SRP72: variants seen among roughly 807,000 people sequenced by gnomAD.
The protein encoded by SRP72 is signal recognition particle 72.
SRP72 carries 49 observed loss-of-function variants against 96.3 expected under a neutral mutation model. The observed-to-expected ratio is 0.51, with a 90% CI of 0.40 to 0.65. The LOEUF is 0.65. SRP72 is among the 30% of genes least tolerant of loss of function. The pLI is 0.00. For synonymous variants in SRP72, 267 were observed against 275.2 expected (o/e 0.97, Z 0.30); for missense variants, 736 against 793.3 (o/e 0.93, Z 0.87).
At chr4:56,495,467 T>C (rs1721045741) in intron 17 of SRP72, 73 bp downstream of exon 17, 3 of 1,049,544 alleles carry the variant, frequency 2.9e-6, no homozygotes, top group South Asian at 3.2e-5. Context: ...ATAGAAATAT[T>C]TGGACATAAA....
At chr4:56,470,466 G>T (rs1364043606) in intron 2 of SRP72, among the ~76,000 whole-genome samples, 1 of 151,968 alleles carries the variant, frequency 6.6e-6, no homozygotes, top group Non-Finnish European at 1.5e-5. Flanking sequence ...CTTGAACCCA[G>T]GAGGCAGAGG....
At chr4:56,489,933 A>C (rs1403642026) in intron 13 of SRP72, among the ~76,000 whole-genome samples, 1 of 152,228 alleles carries the variant, frequency 6.6e-6, no homozygotes, top group East Asian at 1.9e-4. Context: ...ACTTAAAATT[A>C]TACATACGCT....
chr4:56,501,626 T>G (rs963613439), intron 18 of SRP72, 58 bp from the exon 19 acceptor site: 6 of 1,503,316 alleles, frequency 4.0e-6, no homozygotes, highest in Non-Finnish European at 5.5e-6. Context: ...GTACATACAT[T>G]TTTATACTCT....
intron 17 of SRP72, among the ~76,000 whole-genome samples, chr4:56,496,318 T>G (rs1444658817): frequency 3.3e-5 from 5 of 152,208 alleles, no homozygotes; most frequent in African/African-American, 7.2e-5. Context: ...TACCAAAATT[T>G]TATTGACAAT....
At chr4:56,474,484 T>A (rs1720127611) in intron 5 of SRP72, 93 bp downstream of exon 5, 2 of 1,071,510 alleles carry the variant, frequency 1.9e-6, no homozygotes, top group Non-Finnish European at 2.7e-6. Flanking sequence ...GTGAAATTAT[T>A]AAATGGAAGT....
At chr4:56,470,316 G>A (rs943513079) in intron 2 of SRP72, among the ~76,000 whole-genome samples, 4 of 152,110 alleles carry the variant, frequency 2.6e-5, no homozygotes, top group African/African-American at 9.7e-5. Flanking sequence ...CTAAGAGGGC[G>A]GATCACGAGG....
At position 56,503,123 on chromosome 4, in the gene SRP72, T is replaced by C. The variant is rs1164613667; in HGVS notation, c.*1262T>C. 1 of 152,198 alleles carries C rather than the reference T, an allele frequency of 6.6e-6. No homozygotes were observed. The highest frequency in any genetic ancestry group is 1.5e-5 in the Non-Finnish European group (1 of 68,032). The allele number at this position is 152,198 out of a possible 1,614,324, so 9.4% of individuals were successfully genotyped here. On this transcript the variant is annotated 3_prime_UTR_variant, in exon 19 of 19. Coordinates refer to ENST00000642900, the MANE Select transcript of SRP72 (RefSeq NM_006947.4). Reference sequence around the variant, plus strand: ...ACTACCAAAACTTCTTCAAAGAGTTTTTTATGAAAGACTTTCCTCCTTTAC... The same window carrying C: ...ACTACCAAAACTTCTTCAAAGAGTTCTTTATGAAAGACTTTCCTCCTTTAC...
At chr4:56,483,672 A>G (rs1720588378) in intron 9 of SRP72, among the ~76,000 whole-genome samples, 2 of 152,000 alleles carry the variant, frequency 1.3e-5, no homozygotes, top group Non-Finnish European at 2.9e-5. Flanking sequence ...GTCTCCAAAA[A>G]GAAAAAAAAA....
chr4:56,497,122 GT>G (rs1415931311), intron 17 of SRP72, among the ~76,000 whole-genome samples: 40 of 151,862 alleles, frequency 2.6e-4, no homozygotes, highest in African/African-American at 9.4e-4. Context: ...AATATAATTT[GT>G]TTGTTTTAAT....
chr4:56,490,445 TGAAACGTGGAGTTGTA>T lies in SRP72; in HGVS notation c.1424+14_1424+29del, dbSNP rs1378238632. 6.2e-7 allele frequency: 1 copy of T among 1,612,262 alleles called. No homozygotes were observed. The highest frequency in any genetic ancestry group is 8.5e-7 in the Non-Finnish European group (1 of 1,179,024). ...CTACAACAGCTGTGGAAGTAAGCTC[TGAAACGTGGAGTTGTA>T]GAAATAACACATTTATTGTTGCTAC... On this transcript the variant is annotated intron_variant, in intron 14 of 18. Transcript: ENST00000642900.
intron 16 of SRP72, among the ~76,000 whole-genome samples, chr4:56,494,102 GCAGA>G (rs1720998169): frequency 6.6e-6 from 1 of 152,116 alleles, no homozygotes; most frequent in Non-Finnish European, 1.5e-5. Context: ...ATAAGAAATA[GCAGA>G]GAACCCTTGG....
intron 6 of SRP72, among the ~76,000 whole-genome samples, chr4:56,478,157 T>TA (rs1720323525): frequency 6.6e-6 from 1 of 151,184 alleles, no homozygotes; most frequent in Non-Finnish European, 1.5e-5. Context: ...GCCTTTTCTT[T>TA]TTTTTTTTTT....
At chr4:56,490,161 A>C (rs1268016917) in intron 13 of SRP72, among the ~76,000 whole-genome samples, 172 bp from the exon 14 acceptor site, 3 of 152,192 alleles carry the variant, frequency 2.0e-5, no homozygotes, top group African/African-American at 7.2e-5. Flanking sequence ...TAATTTGTCC[A>C]CCTGCTTTCC....
chr4:56,475,750 G>T (rs1234548077), intron 5 of SRP72: 1 of 152,104 alleles, frequency 6.6e-6, no homozygotes, highest in Non-Finnish European at 1.5e-5. Context: ...AGACTTTTCA[G>T]TGAGCAGTTT....
intron 15 of SRP72, among the ~76,000 whole-genome samples, chr4:56,491,023 C>T (rs758529754): frequency 5.3e-5 from 8 of 152,156 alleles, no homozygotes; most frequent in East Asian, 1.9e-4. Context: ...ACCTGATAAG[C>T]GAATTTGGTG....
Position 56,477,457 on chromosome 4 carries a change from A to G in SRP72, c.642+755A>G, listed in dbSNP as rs9994122. Among the ~76,000 whole-genome samples the G allele has an allele frequency of 6.5e-3, 981 of 150,984 alleles. 14 individuals are homozygous for G. Among genetic ancestry groups the G allele is most frequent in the African/African-American group, 0.023 (927 of 41,128 alleles). ...GTAGCACCACCATGCCCAGCTAATT[A>G]TTTTCTTCTTTGTAGAGATGGGGGT... On this transcript the variant is annotated intron_variant, in intron 6 of 18. Transcript: ENST00000642900.
intron 16 of SRP72, among the ~76,000 whole-genome samples, chr4:56,492,414 A>G (rs1265864738): frequency 6.6e-6 from 1 of 152,218 alleles, no homozygotes; most frequent in Non-Finnish European, 1.5e-5. Context: ...TCTTAAAAAT[A>G]TAGTTAGCAG....
intron 8 of SRP72, among the ~76,000 whole-genome samples, chr4:56,480,773 T>G (rs910903319): frequency 6.6e-6 from 1 of 152,198 alleles, no homozygotes; most frequent in Non-Finnish European, 1.5e-5. Context: ...TGAAAAAAAT[T>G]GTTCATGTTT....
intron 5 of SRP72, 106 bp downstream of exon 5, chr4:56,474,497 T>C (rs1720128297): frequency 2.1e-6 from 2 of 957,168 alleles, no homozygotes; most frequent in Non-Finnish European, 3.1e-6. Context: ...ATGGAAGTTA[T>C]TGATGCAGTG....
Sources: allele counts gnomAD v4.1 joint callset (sites outside exome capture counted in the v4.1 genomes callset), GRCh38; gene constraint gnomAD v4.1.1; transcripts MANE v1.5; gene names NCBI Gene and HGNC (gene_info 2026-07-23, HGNC 2026-07-21).